The following CUX2 variants were observed in gnomAD, a reference collection of about 807,000 sequenced individuals.
CUX2 encodes the protein homeobox protein cut-like 2.
In CUX2, 40 loss-of-function variants were observed where a neutral mutation model predicts 144.8. That is an observed-to-expected ratio of 0.28 (90% confidence interval 0.21 to 0.36). The LOEUF (loss-of-function observed/expected upper bound fraction) is 0.36. Ranked by LOEUF, CUX2 falls within the 10% of genes least tolerant of loss-of-function variation. The probability of loss-of-function intolerance (pLI) is 1.00; values close to 1 mark genes in which losing one functional copy is unlikely to be tolerated. For missense variants in CUX2, 1,615 were observed against 1,994.0 expected (o/e 0.81, Z 3.62); for synonymous variants, 827 against 875.6 (o/e 0.94, Z 0.98).
chr12:111,175,510 C>G (rs1159066518), intron 1 of CUX2, among the ~76,000 whole-genome samples: 2 of 152,140 alleles, frequency 1.3e-5, no homozygotes, highest in Non-Finnish European at 2.9e-5. Flanking sequence ...ATTTATAGAG[C>G]AGCACCCCAT....
intron 4 of CUX2, among the ~76,000 whole-genome samples, chr12:111,274,945 A>G (rs1275669480): frequency 2.1e-5 from 3 of 143,418 alleles, no homozygotes; most frequent in Non-Finnish European, 4.5e-5. Context: ...AACCCCCTCC[A>G]TGATTCAAAA....
chr12:111,263,655 CAAAA>C lies in CUX2; in HGVS notation c.223-103_223-100del. The stretch of plus-strand genomic sequence containing the variant: ...CAAAACAAAACAAAACAAAACAAAA[CAAAA>C]AACCTGCAGATGTTTTCTTGTGGAA... On this transcript the variant is annotated intron_variant, in intron 3 of 21. Coordinates refer to ENST00000261726, the MANE Select transcript of CUX2 (RefSeq NM_015267.4). The surrounding 1 kb of genome is among the most constrained non-coding windows in gnomAD (Gnocchi z 4.0). The C allele has an allele frequency of 1.1e-6, 1 of 925,290 alleles. No homozygotes were observed. The highest frequency in any genetic ancestry group is 1.7e-6 in the Non-Finnish European group (1 of 575,640). 57.3% of individuals were successfully genotyped at this position (925,290 alleles called of 1,614,324 possible).
chr12:111,145,598 C>A (rs1194926837), intron 1 of CUX2, among the ~76,000 whole-genome samples: 2 of 152,094 alleles, frequency 1.3e-5, no homozygotes, highest in Non-Finnish European at 2.9e-5. Flanking sequence ...GAATTCCTAG[C>A]CTCAAGTCTT....
At chr12:111,048,525 C>T (rs754456435) in intron 1 of CUX2, among the ~76,000 whole-genome samples, 5 of 152,106 alleles carry the variant, frequency 3.3e-5, no homozygotes, top group African/African-American at 4.8e-5. Flanking sequence ...AGGCTTTTAG[C>T]GGCAGGCATG....
At chr12:111,227,129 A>G (rs901822443) in intron 3 of CUX2, among the ~76,000 whole-genome samples, 2 of 152,158 alleles carry the variant, frequency 1.3e-5, no homozygotes, top group African/African-American at 4.8e-5. Context: ...ATGTTTGTTG[A>G]GCACCTACTA....
rs74452611 is a variant in CUX2, at chr12:111,085,518, T to C, written c.63+51278T>C. Among the ~76,000 whole-genome samples the C allele has an allele frequency of 8.1e-3, 1,237 of 152,236 alleles. 19 individuals are homozygous for C. The highest frequency in any genetic ancestry group is 0.029 in the African/African-American group (1,195 of 41,518). Reference sequence around the variant, plus strand: ...GAATGAAGGGGAGAATGGAAGGAGATAAGGCCAAAGGAATTCTGTAAATAC... The same window carrying C: ...GAATGAAGGGGAGAATGGAAGGAGACAAGGCCAAAGGAATTCTGTAAATAC... On this transcript the variant is annotated intron_variant, in intron 1 of 21. Transcript: ENST00000261726.
In CUX2 at chr12:111,061,178, GCACACA is replaced by G. The variant is rs10525230; in HGVS notation, c.63+26971_63+26976del. Reference sequence around the variant, plus strand: ...TGTCCCCAGATGTGTGCATGCATATGCACACACACACACACACACACACACACACAC... The same window carrying G: ...TGTCCCCAGATGTGTGCATGCATATGCACACACACACACACACACACACAC... On this transcript the variant is annotated intron_variant, in intron 1 of 21. Coordinates refer to ENST00000261726, the MANE Select transcript of CUX2 (RefSeq NM_015267.4). This position sits in a 1 kb window ranked among gnomAD's most constrained non-coding sequence, Gnocchi z 4.2. Among the ~76,000 whole-genome samples, 395 of 143,718 alleles carry G rather than the reference GCACACA, an allele frequency of 2.7e-3. 1 individual carries two copies. Among genetic ancestry groups the G allele is most frequent in the African/African-American group, 9.2e-3 (363 of 39,338 alleles). The allele number at this position is 143,718 out of a possible 152,430, so 94.3% of individuals were successfully genotyped here.
At chr12:111,203,264 G>C (rs571397288) in intron 1 of CUX2, among the ~76,000 whole-genome samples, 1 of 149,898 alleles carries the variant, frequency 6.7e-6, no homozygotes, top group Non-Finnish European at 1.5e-5. Context: ...ATCAGTAAGG[G>C]CCAGGTGCAG....
At position 111,077,660 on chromosome 12, in the gene CUX2, C is replaced by T. The variant is rs952324857; in HGVS notation, c.63+43420C>T. Among the ~76,000 whole-genome samples the T allele has an allele frequency of 3.3e-5, 5 of 152,196 alleles. No homozygotes were observed. The highest frequency in any genetic ancestry group is 4.8e-5 in the African/African-American group (2 of 41,526). ...CCAAACACCTGACTCACTCAATAAG[C>T]GTTGCATTGTGGAGACAGGATGGAG... is the stretch of plus-strand genomic sequence containing the variant. On this transcript the variant is annotated intron_variant, in intron 1 of 21. Coordinates refer to ENST00000261726, the MANE Select transcript of CUX2 (RefSeq NM_015267.4). This position sits in a 1 kb window ranked among gnomAD's most constrained non-coding sequence, Gnocchi z 4.1.
At chr12:111,133,276 C>T (rs550370069) in intron 1 of CUX2, among the ~76,000 whole-genome samples, 3 of 152,112 alleles carry the variant, frequency 2.0e-5, no homozygotes, top group African/African-American at 7.2e-5. Context: ...AGCAACACCC[C>T]ACTCTACTGG....
intron 4 of CUX2, among the ~76,000 whole-genome samples, chr12:111,274,299 C>A (rs574064036): frequency 2.6e-4 from 39 of 152,244 alleles, no homozygotes; most frequent in East Asian, 1.4e-3. Flanking sequence ...GCTGGGTGGC[C>A]TTGAGTAACT....
At chr12:111,193,150 C>T (rs574476368) in intron 1 of CUX2, among the ~76,000 whole-genome samples, 3 of 151,912 alleles carry the variant, frequency 2.0e-5, no homozygotes, top group Non-Finnish European at 4.4e-5. Flanking sequence ...GTCAGGGTGG[C>T]GGAAAATGGA....
At chr12:111,345,061 G>A (rs989639115) in intron 21 of CUX2, among the ~76,000 whole-genome samples, 3 of 149,618 alleles carry the variant, frequency 2.0e-5, no homozygotes, top group South Asian at 2.3e-4. Flanking sequence ...GAGCCACCAC[G>A]CCCAGCTGGT....
At chr12:111,303,223 A>G (rs1886393391) in intron 9 of CUX2, among the ~76,000 whole-genome samples, 1 of 58,932 alleles carries the variant, frequency 1.7e-5, no homozygotes, top group Non-Finnish European at 2.7e-5. Context: ...CCTGTCTCGA[A>G]AAAAAAAAAA....
intron 1 of CUX2, among the ~76,000 whole-genome samples, chr12:111,146,970 T>C (rs1400907886): frequency 1.3e-5 from 2 of 151,876 alleles, no homozygotes; most frequent in Non-Finnish European, 2.9e-5. Context: ...CCTGTCTCTA[T>C]TAAAAATACA....
intron 1 of CUX2, among the ~76,000 whole-genome samples, chr12:111,042,914 G>A (rs1300950219): frequency 1.3e-5 from 2 of 151,886 alleles, no homozygotes; most frequent in Non-Finnish European, 2.9e-5. Context: ...GGGATTACAG[G>A]TGTGAGCCAC....
chr12:111,320,349 C>A lies in CUX2; in HGVS notation c.2340C>A (p.Gly780=), dbSNP rs779258286. ...TCCGCAAGGTCAAGTCCGAGATCGG[C>A]GACGCCGGCTACTTCGACCACCACT... ...SIIRKVKSEI[G]DAGYFDHHWA... The change falls in exon 17 of 22, where the codon GGC becomes GGA. Residue 780 remains glycine (G), a synonymous_variant. Coordinates refer to ENST00000261726, the MANE Select transcript of CUX2 (RefSeq NM_015267.4). The surrounding 1 kb of genome is among the most constrained non-coding windows in gnomAD (Gnocchi z 8.1). 1.1e-5 allele frequency: 17 copies of A among 1,598,172 alleles called. No individual in the cohort carries two copies. The highest frequency in any genetic ancestry group is 1.4e-5 in the Non-Finnish European group (16 of 1,179,164).
intron 3 of CUX2, among the ~76,000 whole-genome samples, chr12:111,231,789 A>G (rs1391881631): frequency 6.6e-6 from 1 of 152,230 alleles, no homozygotes; most frequent in African/African-American, 2.4e-5. Flanking sequence ...ATTAGGAATC[A>G]TAAGTCATCT....
chr12:111,164,690 C>T lies in CUX2; in HGVS notation c.64-49510C>T, dbSNP rs547488768. Among the ~76,000 whole-genome samples the T allele has an allele frequency of 3.9e-5, 6 of 152,206 alleles. No homozygotes were observed. In the South Asian group the frequency reaches 6.2e-4, roughly 16 times the overall value. On this transcript the variant is annotated intron_variant, in intron 1 of 21. Transcript: ENST00000261726. ...CCAAGGTGTTCGTAGTTAGAAGTCACGCAATAATTGCTTTGGGAGTTTATG... is the reference window on the plus strand; with the variant it reads ...CCAAGGTGTTCGTAGTTAGAAGTCATGCAATAATTGCTTTGGGAGTTTATG...
Sources: allele counts gnomAD v4.1 joint callset (sites outside exome capture counted in the v4.1 genomes callset), GRCh38; gene constraint gnomAD v4.1.1; non-coding constraint Gnocchi (gnomAD v3.1); transcripts MANE v1.5; gene names NCBI Gene and HGNC (gene_info 2026-07-23, HGNC 2026-07-21).